Variants in LIFR observed in about 807,000 individuals in gnomAD.
LIFR encodes the protein leukemia inhibitory factor receptor.
LIFR carries 84 observed loss-of-function variants against 122.2 expected under a neutral mutation model. That is an observed-to-expected ratio of 0.69 (90% confidence interval 0.58 to 0.82). The LOEUF is 0.82. Among genes scored for constraint, LIFR ranks in the 40% least tolerant of loss-of-function variants. The pLI is 0.00. For missense variants in LIFR, 1,294 were observed against 1,311.6 expected, an observed-to-expected ratio of 0.99 and a Z score of 0.21; for synonymous variants, 422 against 434.7, an observed-to-expected ratio of 0.97 and a Z score of 0.36.
In LIFR at chr5:38,485,733, G is replaced by A. The variant is rs3729749; in HGVS notation, c.2497+86C>T. The A allele has an allele frequency of 9.7e-5, 140 of 1,447,696 alleles. No homozygotes were observed. The East Asian group carries it at 2.4e-3, about 25-fold the overall frequency. The allele number at this position is 1,447,696 out of a possible 1,614,324, so 89.7% of individuals were successfully genotyped here. On this transcript the variant is annotated intron_variant, in intron 17 of 19. Transcript: ENST00000453190. ...AATGTGAATGTTTTTTAGAAAGGGC[G>A]GGGAGGGGTTCCTACATAAACCAAG...
At chr5:38,491,475 G>A (rs1165159644) in intron 14 of LIFR, among the ~76,000 whole-genome samples, 2 of 152,202 alleles carry the variant, frequency 1.3e-5, no homozygotes, top group Non-Finnish European at 2.9e-5. Flanking sequence ...TCTGAATAAG[G>A]CCTTGAAGGG....
intron 1 of LIFR, among the ~76,000 whole-genome samples, chr5:38,543,574 T>A (rs1747707901): frequency 6.6e-6 from 1 of 152,214 alleles, no homozygotes; most frequent in African/African-American, 2.4e-5. Flanking sequence ...ATGCAACTTA[T>A]GATCTACTTC....
upstream of LIFR, chr5:38,556,768 C>T (rs1328540852): frequency 1.4e-5 from 2 of 145,398 alleles, no homozygotes; most frequent in East Asian, 2.1e-4. Context: ...CCCCGCCGAT[C>T]CCCGGCCGCG....
At chr5:38,484,574 T>G (rs937625672) in intron 18 of LIFR, among the ~76,000 whole-genome samples, 2 of 152,180 alleles carry the variant, frequency 1.3e-5, no homozygotes, top group Non-Finnish European at 2.9e-5. Context: ...TAGAAAAAAT[T>G]TACACATTGA....
At position 38,485,902 on chromosome 5, in the gene LIFR, G is replaced by T. The variant is rs368664188; in HGVS notation, c.2414C>A (p.Thr805Lys). ...TLRIADLQGK[T>K]SYHLVLRAYT... The stretch of plus-strand genomic sequence containing the variant: ...GGCTCGCAAGACCAGGTGGTAACTT[G>T]TTTTACCTTGAAGATCAGCAATTCT... Residue 805 changes from threonine (T) to lysine (K), a missense_variant, in exon 17 of 20, where the codon ACA becomes AAA. Coordinates refer to ENST00000453190, the MANE Select transcript of LIFR (RefSeq NM_001127671.2). 6.8e-6 allele frequency: 11 copies of T among 1,613,928 alleles called. No individual in the cohort carries two copies. The highest frequency in any genetic ancestry group is 1.3e-5 in the African/African-American group (1 of 74,926).
At chr5:38,542,343 T>C (rs1747637189) in intron 1 of LIFR, among the ~76,000 whole-genome samples, 1 of 152,168 alleles carries the variant, frequency 6.6e-6, no homozygotes, top group Non-Finnish European at 1.5e-5. Flanking sequence ...AGAAGCTTTA[T>C]AAAAAGGACA....
At chr5:38,599,217 A>G (rs1286551434), upstream of LIFR, among the ~76,000 whole-genome samples, 1 of 152,228 alleles carries the variant, frequency 6.6e-6, no homozygotes, top group Non-Finnish European at 1.5e-5. Flanking sequence ...TCCCATTCTG[A>G]CATCTATAGG....
rs202048083 is a variant in LIFR, at chr5:38,496,477, C to T, written c.1790G>A (p.Arg597Gln). The change falls in exon 13 of 20, where the codon CGA becomes CAA. Residue 597 changes from arginine (R) to glutamine (Q), a missense_variant. Arg to Gln is a conservative substitution (Grantham distance 43). Coordinates refer to ENST00000453190, the MANE Select transcript of LIFR (RefSeq NM_001127671.2). Reference sequence around the variant, plus strand: ...GATGATGTAGTCATTCTTATCAAGTCGTATCTCTGCTTTGTGCTGAGGATC... The same window carrying T: ...GATGATGTAGTCATTCTTATCAAGTTGTATCTCTGCTTTGTGCTGAGGATC... Reference protein sequence around the residue: ...IPDPQHKAEIRLDKNDYIISV... With the variant: ...IPDPQHKAEIQLDKNDYIISV... 64 of 1,613,914 alleles carry T rather than the reference C, an allele frequency of 4.0e-5. No homozygotes were observed. The highest frequency in any genetic ancestry group is 6.7e-5 in the Admixed American group (4 of 60,004).
chr5:38,500,292 G>A (rs1745110162), intron 11 of LIFR, among the ~76,000 whole-genome samples: 1 of 152,174 alleles, frequency 6.6e-6, no homozygotes, highest in Admixed American at 6.5e-5. Context: ...CTGCTAACTA[G>A]AACAATTCCA....
intron 5 of LIFR, among the ~76,000 whole-genome samples, chr5:38,520,326 T>G (rs1162360554): frequency 6.6e-6 from 1 of 152,196 alleles, no homozygotes; most frequent in Non-Finnish European, 1.5e-5. Context: ...AATTTTTTAA[T>G]TGTTGAGTTG....
chr5:38,552,571 T>C (rs1265816647), intron 1 of LIFR, among the ~76,000 whole-genome samples: 1 of 152,188 alleles, frequency 6.6e-6, no homozygotes, highest in African/African-American at 2.4e-5. Flanking sequence ...AAATGGCTAT[T>C]CCACGGAAAT....
chr5:38,491,860 T>C (rs1380986710), intron 14 of LIFR, among the ~76,000 whole-genome samples: 1 of 152,254 alleles, frequency 6.6e-6, no homozygotes, highest in Non-Finnish European at 1.5e-5. Flanking sequence ...GAGAAAGGTA[T>C]GCTTGAGGTT....
chr5:38,487,336 G>A (rs140158820), intron 16 of LIFR, among the ~76,000 whole-genome samples: 3 of 152,280 alleles, frequency 2.0e-5, no homozygotes, highest in Non-Finnish European at 2.9e-5. Flanking sequence ...GTGGAGTATC[G>A]AATTTTAGGT....
At chr5:38,531,559 G>T (rs905639558) in intron 1 of LIFR, among the ~76,000 whole-genome samples, 2 of 150,380 alleles carry the variant, frequency 1.3e-5, no homozygotes, top group Admixed American at 6.7e-5. Context: ...AAAAACTAGA[G>T]GATGCAATGA....
rs200606301 is a variant in LIFR, at chr5:38,504,019, A to G, written c.1394T>C (p.Leu465Ser). 17 of 1,586,988 alleles carry G rather than the reference A, an allele frequency of 1.1e-5. No homozygotes were observed. Among genetic ancestry groups the G allele is most frequent in the African/African-American group, 1.3e-5 (1 of 74,488 alleles). The change falls in exon 10 of 20, where the codon TTA (leucine) becomes TCA (serine). Residue 465 changes from leucine (L) to serine (S), a missense_variant. Physicochemically the swap from Leu to Ser is moderately radical, Grantham distance 145. Coordinates refer to ENST00000453190, the MANE Select transcript of LIFR (RefSeq NM_001127671.2). ...LPGNFAKINFLCEIEIKKSNS... is the reference protein window; with the variant it reads ...LPGNFAKINFSCEIEIKKSNS... ...AGATTTCTTAATTTCAATTTCACATAAAAAATTAATCTTTGCAAAGTTGCC... is the reference window on the plus strand; with the variant it reads ...AGATTTCTTAATTTCAATTTCACATGAAAAATTAATCTTTGCAAAGTTGCC...
intron 4 of LIFR, among the ~76,000 whole-genome samples, chr5:38,524,424 G>A (rs1746566979): frequency 6.6e-6 from 1 of 152,130 alleles, no homozygotes; most frequent in African/African-American, 2.4e-5. Flanking sequence ...TGACCAATTA[G>A]GAGACCACTG....
intron 14 of LIFR, among the ~76,000 whole-genome samples, chr5:38,492,392 T>C (rs1412373206): frequency 6.6e-6 from 1 of 152,120 alleles, no homozygotes; most frequent in African/African-American, 2.4e-5. Flanking sequence ...TCCATCCTGA[T>C]TATTCTAAAA....
At chr5:38,545,621 G>C (rs923953238) in intron 1 of LIFR, among the ~76,000 whole-genome samples, 2 of 152,034 alleles carry the variant, frequency 1.3e-5, no homozygotes, top group African/African-American at 4.8e-5. Context: ...CCAGCACTTT[G>C]GGAGGCCGAG....
Position 38,511,894 on chromosome 5 carries a change from A to G in LIFR, c.632T>C (p.Leu211Ser). Reference sequence around the variant, plus strand: ...TTCCACAAAATGAATGGCACATTCCAAGGGCATATCTGAGGCCCAACTCCA... The same window carrying G: ...TTCCACAAAATGAATGGCACATTCCGAGGGCATATCTGAGGCCCAACTCCA... ...HHWSWASDMP[L>S]ECAIHFVEIR... The change falls in exon 6 of 20, where the codon TTG becomes TCG. Residue 211 changes from leucine to serine, a missense_variant. Transcript: ENST00000453190. 6.2e-7 allele frequency: 1 copy of G among 1,614,128 alleles called. No individual in the cohort carries two copies. The highest frequency in any genetic ancestry group is 2.2e-5 in the East Asian group (1 of 44,876).
Sources: allele counts gnomAD v4.1 joint callset (sites outside exome capture counted in the v4.1 genomes callset), GRCh38; gene constraint gnomAD v4.1.1; transcripts MANE v1.5; gene names NCBI Gene and HGNC (gene_info 2026-07-23, HGNC 2026-07-21).